CAPSL: variants seen among roughly 807,000 people sequenced by gnomAD.
CAPSL encodes the protein calcyphosin-like protein.
Under a neutral mutation model 21.3 loss-of-function variants are expected in CAPSL, and 17 were observed. The ratio of observed to expected loss-of-function variants is 0.80; its 90% CI spans 0.55 to 1.20. The LOEUF (loss-of-function observed/expected upper bound fraction) is 1.20. Among genes scored for constraint, CAPSL ranks in the 50% most tolerant of loss-of-function variants. The probability of loss-of-function intolerance (pLI) is 0.00; values close to 1 mark genes in which losing one functional copy is unlikely to be tolerated. For missense variants in CAPSL, 289 were observed against 259.3 expected, an observed-to-expected ratio of 1.11 and a Z score of -0.79; for synonymous variants, 102 against 89.3, an observed-to-expected ratio of 1.14 and a Z score of -0.80.
At chr5:35,935,633 A>G (rs1738926393) in intron 1 of CAPSL, among the ~76,000 whole-genome samples, 1 of 152,046 alleles carries the variant, frequency 6.6e-6, no homozygotes, top group South Asian at 2.1e-4. Flanking sequence ...CGGTGCCCAG[A>G]CTGAAAGTTC....
At chr5:35,909,691 A>T (rs576508610) in intron 4 of CAPSL, 175 bp downstream of exon 4, 1 of 612,926 alleles carries the variant, frequency 1.6e-6, no homozygotes, top group Non-Finnish European at 2.8e-6. Context: ...CTAAAGTAAC[A>T]TGAAGGTTTC....
intron 1 of CAPSL, among the ~76,000 whole-genome samples, chr5:35,921,736 G>A (rs1017290454): frequency 1.3e-5 from 2 of 152,174 alleles, no homozygotes; most frequent in Non-Finnish European, 2.9e-5. Flanking sequence ...CTCAAAGCTT[G>A]CACAACAGTG....
At chr5:35,912,038 A>C (rs1044970703) in intron 2 of CAPSL, among the ~76,000 whole-genome samples, 1 of 152,216 alleles carries the variant, frequency 6.6e-6, no homozygotes, top group African/African-American at 2.4e-5. Context: ...CAACAGTCTT[A>C]GCAAACGGCG....
In CAPSL at chr5:35,919,166, A is replaced by AT. The variant is rs1346382394; in HGVS notation, c.137+1817_137+1818insA. ...AGCTAGTATCTTTCCTGATTAAAAA[A>AT]AAAAATATATATATATATATATATA... On this transcript the variant is annotated intron_variant, in intron 2 of 4. Coordinates refer to ENST00000651391, the MANE Select transcript of CAPSL (RefSeq NM_001042625.2). 7.5e-4 allele frequency among the ~76,000 whole-genome samples: 88 copies of AT among 116,736 alleles called. No homozygotes were observed. The East Asian group carries it at 8.7e-3, about 12-fold the overall frequency. 76.6% of individuals were successfully genotyped at this position (116,736 alleles called of 152,430 possible).
chr5:35,912,648 TC>T (rs1738262164), intron 2 of CAPSL, among the ~76,000 whole-genome samples: 2 of 152,224 alleles, frequency 1.3e-5, no homozygotes, highest in Non-Finnish European at 2.9e-5. Context: ...CAGCTGAGGT[TC>T]CTGACTGTTA....
At position 35,910,545 on chromosome 5, in the gene CAPSL, T is replaced by G. The variant is rs376886601; in HGVS notation, c.138-2A>C. ...TCGTCATCCATAATTCTAAACACTC[T>G]GAAGAAAATACACACAAAAATTCAG... On this transcript the variant is annotated splice_acceptor_variant, in intron 2 of 4. Transcript: ENST00000651391. LOFTEE classifies it high-confidence loss of function. 5.0e-6 allele frequency: 8 copies of G among 1,584,780 alleles called. No homozygotes were observed. Among genetic ancestry groups the G allele is most frequent in the Non-Finnish European group, 6.9e-6 (8 of 1,161,118 alleles).
intron 2 of CAPSL, among the ~76,000 whole-genome samples, chr5:35,912,100 G>A (rs551427918): frequency 6.6e-6 from 1 of 152,294 alleles, no homozygotes; most frequent in East Asian, 1.9e-4. Context: ...CACCCACCGG[G>A]CCTCACTCAT....
chr5:35,935,224 G>A (rs1050537488), intron 1 of CAPSL, among the ~76,000 whole-genome samples: 1 of 152,064 alleles, frequency 6.6e-6, no homozygotes, highest in Non-Finnish European at 1.5e-5. Flanking sequence ...CATCCAACAG[G>A]CAGCTATGAA....
intron 1 of CAPSL, among the ~76,000 whole-genome samples, chr5:35,936,639 A>G (rs1738954289): frequency 6.6e-6 from 1 of 151,980 alleles, no homozygotes; most frequent in Admixed American, 6.5e-5. Context: ...CTTTCTCTCA[A>G]TGGCTATAAA....
At position 35,920,949 on chromosome 5, in the gene CAPSL, C is replaced by T. The variant is rs570721664; in HGVS notation, c.137+35G>A. The T allele has an allele frequency of 6.2e-5, 100 of 1,606,950 alleles. 1 individual carries two copies. In the South Asian group the frequency reaches 7.5e-4, roughly 12 times the overall value. On this transcript the variant is annotated intron_variant, in intron 2 of 4. Transcript: ENST00000651391. Reference sequence around the variant, plus strand: ...CTCACCTGGCAGAGTCATTCCTTCCCGCTCCATTCCCTGCCACTTGTAGCT... The same window carrying T: ...CTCACCTGGCAGAGTCATTCCTTCCTGCTCCATTCCCTGCCACTTGTAGCT...
In CAPSL at chr5:35,910,014, G is replaced by GTCT. The variant is rs1326742088; in HGVS notation, c.374_376dup (p.Lys125dup). On this transcript the variant is annotated inframe_insertion, in exon 4 of 5. Transcript: ENST00000651391. ...TTCGATTGTTATAACACCATCTCCA[G>GTCT]TCTTGTCTAACTTTCTAAAAGCTTG... The GTCT allele has an allele frequency of 1.9e-6, 3 of 1,613,400 alleles. No individual in the cohort carries two copies. The African/African-American group carries it at 4.0e-5, about 22-fold the overall frequency.
At chr5:35,924,869 G>A (rs896382716) in intron 1 of CAPSL, among the ~76,000 whole-genome samples, 36 of 152,338 alleles carry the variant, frequency 2.4e-4, no homozygotes, top group African/African-American at 8.7e-4. Context: ...AAGTGCATAA[G>A]GGAGATGCTC....
At chr5:35,938,754 T>C (rs1739019293), upstream of CAPSL, 1 of 152,504 alleles carries the variant, frequency 6.6e-6, no homozygotes, top group East Asian at 1.9e-4. Context: ...TCACTGTCAA[T>C]CTCTACTCTG....
At chr5:35,919,165 A>AT (rs1246673850) in intron 2 of CAPSL, among the ~76,000 whole-genome samples, 7 of 127,840 alleles carry the variant, frequency 5.5e-5, no homozygotes, top group African/African-American at 2.0e-4. Context: ...CTGATTAAAA[A>AT]AAAAAATATA....
At chr5:35,909,010 G>T (rs1738122454) in intron 4 of CAPSL, among the ~76,000 whole-genome samples, 1 of 151,876 alleles carries the variant, frequency 6.6e-6, no homozygotes, top group Admixed American at 6.6e-5. Context: ...TGCTGCTGCT[G>T]ACTGTTACTC....
chr5:35,920,429 C>T (rs1738506893), intron 2 of CAPSL, among the ~76,000 whole-genome samples: 1 of 152,154 alleles, frequency 6.6e-6, no homozygotes, highest in South Asian at 2.1e-4. Context: ...TCTCCTTTCC[C>T]TTTTGGTTTC....
At chr5:35,920,069 C>G (rs1738495832) in intron 2 of CAPSL, among the ~76,000 whole-genome samples, 1 of 152,126 alleles carries the variant, frequency 6.6e-6, no homozygotes, top group Non-Finnish European at 1.5e-5. Context: ...GGGTCCATAT[C>G]CCCACTGCCT....
chr5:35,928,201 C>G (rs1281246251), intron 1 of CAPSL, among the ~76,000 whole-genome samples: 1 of 152,208 alleles, frequency 6.6e-6, no homozygotes, highest in African/African-American at 2.4e-5. Context: ...CTTTTATTAA[C>G]ACCTTAATTT....
intron 2 of CAPSL, among the ~76,000 whole-genome samples, chr5:35,911,041 G>T (rs1341386492): frequency 6.6e-6 from 1 of 152,132 alleles, no homozygotes; most frequent in African/African-American, 2.4e-5. Context: ...CAAGATCAAG[G>T]CTGGAACAAT....
Sources: gnomAD v4.1 joint callset for allele counts (sites outside exome capture counted in the v4.1 genomes callset) on GRCh38, gnomAD v4.1.1 for gene constraint, MANE v1.5 for transcripts, NCBI Gene and HGNC (gene_info 2026-07-23, HGNC 2026-07-21) for gene names.